PDSS2: variants seen among roughly 807,000 people sequenced by gnomAD.
PDSS2 encodes all trans-polyprenyl-diphosphate synthase PDSS2.
In PDSS2, 31 loss-of-function variants were observed where a neutral mutation model predicts 44.5. The ratio of observed to expected loss-of-function variants is 0.70; its 90% CI spans 0.52 to 0.94. The LOEUF (loss-of-function observed/expected upper bound fraction) is 0.94. Ranked by LOEUF, PDSS2 falls within the 40% of genes least tolerant of loss-of-function variation. PDSS2 has a pLI of 0.00. For synonymous variants in PDSS2, 157 were observed against 180.3 expected, an observed-to-expected ratio of 0.87 and a Z score of 1.03; for missense variants, 452 against 482.2, an observed-to-expected ratio of 0.94 and a Z score of 0.59.
intron 1 of PDSS2, among the ~76,000 whole-genome samples, chr6:107,445,862 C>T (rs77121281): frequency 0.03 from 4,559 of 152,248 alleles, 234 homozygotes; most frequent in African/African-American, 0.1. Flanking sequence ...GGGGATCACA[C>T]GGTTAAGTAC....
chr6:107,277,375 C>T (rs997942800), intron 2 of PDSS2, among the ~76,000 whole-genome samples: 5 of 152,086 alleles, frequency 3.3e-5, no homozygotes, highest in African/African-American at 9.7e-5. Context: ...AGTTTGGCTA[C>T]AGTAAAGGGA....
chr6:107,286,850 C>A (rs1282164831), intron 2 of PDSS2, among the ~76,000 whole-genome samples: 4 of 151,922 alleles, frequency 2.6e-5, no homozygotes, highest in Non-Finnish European at 5.9e-5. Flanking sequence ...ACCATCCTGG[C>A]CAACATGGTG....
rs886230282 is a variant in PDSS2, at chr6:107,437,393, C to T, written c.296+21597G>A. ...TACAAAAATTAACCAGGCAAGGTGG[C>T]GCACACCTATAGTCCCAGCTACTCA... On this transcript the variant is annotated intron_variant, in intron 1 of 7. Coordinates refer to ENST00000369037, the MANE Select transcript of PDSS2 (RefSeq NM_020381.4). Among the ~76,000 whole-genome samples, 6 of 151,836 alleles carry T rather than the reference C, an allele frequency of 4.0e-5. No individual in the cohort carries two copies. In the East Asian group the frequency reaches 9.7e-4, roughly 24 times the overall value.
intron 4 of PDSS2, among the ~76,000 whole-genome samples, chr6:107,239,258 CAGAG>C (rs944822568): frequency 5.8e-4 from 89 of 152,242 alleles, no homozygotes; most frequent in African/African-American, 2.0e-3. Flanking sequence ...GCCTGGATGA[CAGAG>C]AGAGACTCCG....
intron 2 of PDSS2, among the ~76,000 whole-genome samples, chr6:107,306,793 C>A (rs1776874730): frequency 1.3e-5 from 2 of 152,160 alleles, no homozygotes; most frequent in Non-Finnish European, 2.9e-5. Flanking sequence ...ATTTTATAAT[C>A]AAATTACTAA....
chr6:107,349,137 T>C (rs1004390053), intron 1 of PDSS2, among the ~76,000 whole-genome samples: 23 of 152,178 alleles, frequency 1.5e-4, no homozygotes, highest in Admixed American at 3.3e-4. Flanking sequence ...TTAGGGTATA[T>C]AAATTACAAA....
chr6:107,221,912 T>C (rs981497209), intron 4 of PDSS2, among the ~76,000 whole-genome samples: 6 of 152,022 alleles, frequency 3.9e-5, no homozygotes, highest in Non-Finnish European at 8.8e-5. Flanking sequence ...TTTCACATAA[T>C]CAGAAAAGAA....
At chr6:107,217,442 C>T (rs1438572402) in intron 4 of PDSS2, among the ~76,000 whole-genome samples, 1 of 151,754 alleles carries the variant, frequency 6.6e-6, no homozygotes, top group Non-Finnish European at 1.5e-5. Flanking sequence ...GGGCCATGAG[C>T]CAAGGAATAA....
At chr6:107,408,327 T>C (rs1398896841) in intron 1 of PDSS2, among the ~76,000 whole-genome samples, 2 of 152,220 alleles carry the variant, frequency 1.3e-5, no homozygotes, top group Non-Finnish European at 2.9e-5. Context: ...TAGCAGTTGT[T>C]ATTAAATGAT....
intron 1 of PDSS2, among the ~76,000 whole-genome samples, chr6:107,352,656 A>T (rs1451511434): frequency 1.3e-5 from 2 of 152,226 alleles, no homozygotes; most frequent in African/African-American, 2.4e-5. Flanking sequence ...TATTTCTACC[A>T]GAAAAAAAAT....
intron 1 of PDSS2, among the ~76,000 whole-genome samples, chr6:107,366,603 G>C (rs926684244): frequency 5.3e-5 from 8 of 151,820 alleles, no homozygotes; most frequent in South Asian, 4.2e-4. Flanking sequence ...AAGAAAATAA[G>C]AAAGAAGACA....
intron 1 of PDSS2, among the ~76,000 whole-genome samples, chr6:107,427,819 TG>T (rs1426547137): frequency 6.6e-6 from 1 of 152,226 alleles, no homozygotes; most frequent in South Asian, 2.1e-4. Flanking sequence ...TTAAAAAAAA[TG>T]GTTTGTAGAT....
chr6:107,375,616 G>C (rs999897424), intron 1 of PDSS2, among the ~76,000 whole-genome samples: 1 of 152,160 alleles, frequency 6.6e-6, no homozygotes, highest in Admixed American at 6.5e-5. Flanking sequence ...CATACCAGCA[G>C]CTCTTTCAGA....
intron 1 of PDSS2, among the ~76,000 whole-genome samples, chr6:107,455,986 T>A (rs1009243930): frequency 6.6e-6 from 1 of 152,120 alleles, no homozygotes; most frequent in South Asian, 2.1e-4. Flanking sequence ...TAACAGCATT[T>A]TTCATAATAT....
chr6:107,314,695 A>C (rs1777148048), intron 2 of PDSS2, among the ~76,000 whole-genome samples: 1 of 152,256 alleles, frequency 6.6e-6, no homozygotes, highest in Admixed American at 6.5e-5. Flanking sequence ...TGCCCCCACA[A>C]GCACAGTCAA....
intron 7 of PDSS2, among the ~76,000 whole-genome samples, chr6:107,155,723 G>A (rs1207576025): frequency 6.6e-6 from 1 of 151,132 alleles, no homozygotes; most frequent in Admixed American, 6.6e-5. Flanking sequence ...GGGACTACAG[G>A]TGTGCACCAC....
chr6:107,261,664 C>T (rs371628117), intron 3 of PDSS2, among the ~76,000 whole-genome samples: 5 of 150,904 alleles, frequency 3.3e-5, no homozygotes, highest in South Asian at 2.1e-4. Flanking sequence ...CTGCAACCTC[C>T]GCTTTTGGGT....
At chr6:107,241,267 T>G (rs1774415230) in intron 4 of PDSS2, among the ~76,000 whole-genome samples, 1 of 141,194 alleles carries the variant, frequency 7.1e-6, no homozygotes, top group Admixed American at 7.2e-5. Flanking sequence ...AAAAAAAAAG[T>G]ATTAGTAATA....
intron 1 of PDSS2, among the ~76,000 whole-genome samples, chr6:107,377,137 C>T (rs1005749177): frequency 7.1e-6 from 1 of 141,422 alleles, no homozygotes; most frequent in African/African-American, 2.6e-5. Flanking sequence ...GCAACCTACT[C>T]ATCAGACAAA....
Sources: allele counts gnomAD v4.1 joint callset (sites outside exome capture counted in the v4.1 genomes callset), GRCh38; gene constraint gnomAD v4.1.1; transcripts MANE v1.5; gene names NCBI Gene and HGNC (gene_info 2026-07-23, HGNC 2026-07-21).